PARD3: variants seen among roughly 807,000 people sequenced by gnomAD.
PARD3 encodes the protein partitioning defective 3 homolog.
Under a neutral mutation model 155.4 loss-of-function variants are expected in PARD3, and 75 were observed. The ratio of observed to expected loss-of-function variants is 0.48; its 90% confidence interval spans 0.40 to 0.58. PARD3 has a LOEUF of 0.58. Among genes scored for constraint, PARD3 ranks in the 20% least tolerant of loss-of-function variants. PARD3 has a pLI of 0.00. For synonymous variants in PARD3, 576 were observed against 610.5 expected (o/e 0.94, Z 0.83); for missense variants, 1,642 against 1,721.7 (o/e 0.95, Z 0.82).
chr10:34,293,236 T>C (rs1031595021), intron 20 of PARD3, among the ~76,000 whole-genome samples: 98 of 152,300 alleles, frequency 6.4e-4, no homozygotes, highest in Non-Finnish European at 7.4e-5. Context: ...ATCTTAATTA[T>C]GATGCTGAAG....
intron 15 of PARD3, among the ~76,000 whole-genome samples, chr10:34,347,189 T>C (rs1176866415): frequency 6.6e-6 from 1 of 152,242 alleles, no homozygotes; most frequent in Non-Finnish European, 1.5e-5. Context: ...ATGTCAGGTG[T>C]TATTTTAATC....
At chr10:34,502,119 T>C (rs562455496) in intron 3 of PARD3, among the ~76,000 whole-genome samples, 3 of 152,126 alleles carry the variant, frequency 2.0e-5, no homozygotes, top group Non-Finnish European at 4.4e-5. Flanking sequence ...GAAATGAGGT[T>C]TGGTTGTTTA....
At chr10:34,601,426 G>C (rs748912192) in intron 2 of PARD3, among the ~76,000 whole-genome samples, 1 of 152,276 alleles carries the variant, frequency 6.6e-6, no homozygotes, top group East Asian at 1.9e-4. Context: ...GGATGACAAA[G>C]TGAGAACCCG....
At chr10:34,338,791 C>T (rs900377974) in intron 16 of PARD3, among the ~76,000 whole-genome samples, 2 of 152,150 alleles carry the variant, frequency 1.3e-5, no homozygotes, top group African/African-American at 2.4e-5. Context: ...GTTTTGAGCT[C>T]ATTATGTATT....
chr10:34,790,229 G>C, intron 1 of PARD3, among the ~76,000 whole-genome samples: 1 of 152,200 alleles, frequency 6.6e-6, no homozygotes, highest in Non-Finnish European at 1.5e-5. Context: ...ACAAATTGTA[G>C]AGTGTATGTG....
intron 21 of PARD3, among the ~76,000 whole-genome samples, chr10:34,271,581 G>A (rs1013417959): frequency 2.0e-5 from 3 of 152,090 alleles, no homozygotes; most frequent in African/African-American, 7.2e-5. Flanking sequence ...ACCAAAAACC[G>A]ACAGGTTCCC....
chr10:34,319,987 TC>T (rs2134152524), intron 19 of PARD3, among the ~76,000 whole-genome samples: 1 of 152,306 alleles, frequency 6.6e-6, no homozygotes, highest in South Asian at 2.1e-4. Flanking sequence ...CACCTATACT[TC>T]CAAAGCTCTT....
chr10:34,711,272 C>T (rs2094445673), intron 1 of PARD3, among the ~76,000 whole-genome samples: 1 of 152,176 alleles, frequency 6.6e-6, no homozygotes, highest in Non-Finnish European at 1.5e-5. Context: ...ATAATCCCAG[C>T]ACTTTGGGAG....
intron 1 of PARD3, among the ~76,000 whole-genome samples, chr10:34,727,950 T>C (rs1441415880): frequency 6.6e-6 from 1 of 151,460 alleles, no homozygotes; most frequent in African/African-American, 2.4e-5. Context: ...TACCACATAC[T>C]GGGCACAGGC....
chr10:34,411,732 CTAGATAGATAGATAGATAGATAGA>C lies in PARD3; in HGVS notation c.715-9839_715-9816del, dbSNP rs3040339. Among the ~76,000 whole-genome samples the C allele has an allele frequency of 7.4e-5, 11 of 148,216 alleles. No homozygotes were observed. In the East Asian group the frequency reaches 1.0e-3, roughly 14 times the overall value. ...TGTATATATCTAAAGACATACATAT[CTAGATAGATAGATAGATAGATAGA>C]TAGATAGATAGATAGATAGATAGAC... On this transcript the variant is annotated intron_variant, in intron 5 of 24. Transcript: ENST00000374788.
At chr10:34,248,356 C>T (rs1038876042) in intron 22 of PARD3, among the ~76,000 whole-genome samples, 5 of 152,126 alleles carry the variant, frequency 3.3e-5, no homozygotes, top group Non-Finnish European at 5.9e-5. Flanking sequence ...TATTTAAGTC[C>T]GTCTGTTATC....
intron 22 of PARD3, among the ~76,000 whole-genome samples, chr10:34,183,387 A>T (rs1169163300): frequency 6.6e-6 from 1 of 152,210 alleles, no homozygotes; most frequent in Non-Finnish European, 1.5e-5. Flanking sequence ...TAGAAAGGGT[A>T]AAAGGACTTC....
At chr10:34,538,078 C>G (rs1319090435) in intron 2 of PARD3, among the ~76,000 whole-genome samples, 2 of 152,144 alleles carry the variant, frequency 1.3e-5, no homozygotes, top group East Asian at 3.9e-4. Flanking sequence ...TTGCACAAGA[C>G]TGTGAATTGT....
At chr10:34,570,146 A>G (rs2086273616) in intron 2 of PARD3, among the ~76,000 whole-genome samples, 2 of 151,952 alleles carry the variant, frequency 1.3e-5, no homozygotes, top group Non-Finnish European at 2.9e-5. Flanking sequence ...GTTCTGGCCA[A>G]AATACTCAAA....
At chr10:34,472,578 T>C (rs2078423677) in intron 3 of PARD3, among the ~76,000 whole-genome samples, 1 of 152,184 alleles carries the variant, frequency 6.6e-6, no homozygotes, top group Non-Finnish European at 1.5e-5. Flanking sequence ...TGCTGTCCAA[T>C]TACAGGGTTA....
chr10:34,620,142 G>C (rs2091556143), intron 2 of PARD3, among the ~76,000 whole-genome samples: 1 of 152,046 alleles, frequency 6.6e-6, no homozygotes, highest in South Asian at 2.1e-4. Flanking sequence ...TCAACCACTG[G>C]CATGTGGTAT....
intron 2 of PARD3, among the ~76,000 whole-genome samples, chr10:34,632,398 C>T (rs376045593): frequency 6.2e-4 from 94 of 152,340 alleles, no homozygotes; most frequent in African/African-American, 2.2e-3. Flanking sequence ...AACCTTCACA[C>T]GCCATTAGCC....
At chr10:34,258,144 G>A (rs1954755552) in intron 22 of PARD3, among the ~76,000 whole-genome samples, 1 of 152,156 alleles carries the variant, frequency 6.6e-6, no homozygotes, top group African/African-American at 2.4e-5. Context: ...ACCATACTGA[G>A]GGCTTAGACT....
intron 2 of PARD3, among the ~76,000 whole-genome samples, chr10:34,639,942 C>A (rs747161469): frequency 1.3e-5 from 2 of 152,122 alleles, no homozygotes; most frequent in Non-Finnish European, 2.9e-5. Flanking sequence ...TGTGAAGCAC[C>A]TAGCACATGG....
Sources: allele counts gnomAD v4.1 joint callset (sites outside exome capture counted in the v4.1 genomes callset), GRCh38; gene constraint gnomAD v4.1.1; transcripts MANE v1.5; gene names NCBI Gene and HGNC (gene_info 2026-07-23, HGNC 2026-07-21).